Variants in PTPRD observed in about 807,000 individuals in gnomAD.
PTPRD encodes the protein receptor-type tyrosine-protein phosphatase delta.
Under a neutral mutation model 214.5 loss-of-function variants are expected in PTPRD, and 34 were observed. The ratio of observed to expected loss-of-function variants is 0.16; its 90% CI spans 0.12 to 0.21. The LOEUF (loss-of-function observed/expected upper bound fraction) is 0.21, where lower values mean the gene tolerates loss of function less well. PTPRD is among the 10% of genes least tolerant of loss of function. PTPRD has a pLI of 1.00. For synonymous variants in PTPRD, 1,128 were observed against 845.7 expected, an observed-to-expected ratio of 1.33 and a Z score of -5.79; for missense variants, 2,545 against 2,398.7, an observed-to-expected ratio of 1.06 and a Z score of -1.27.
chr9:9,792,196 G>C (rs1027991022), intron 5 of PTPRD, among the ~76,000 whole-genome samples: 1 of 151,788 alleles, frequency 6.6e-6, no homozygotes, highest in African/African-American at 2.4e-5. Flanking sequence ...CCTTCCCTCA[G>C]TGAGTGTGAA....
intron 3 of PTPRD, among the ~76,000 whole-genome samples, chr9:10,335,985 C>G (rs2096837396): frequency 6.6e-6 from 1 of 151,726 alleles, no homozygotes; most frequent in Non-Finnish European, 1.5e-5. Context: ...TCATTCATTG[C>G]TGGTGGGAGT....
intron 11 of PTPRD, among the ~76,000 whole-genome samples, chr9:8,768,965 T>G (rs1057057835): frequency 1.3e-5 from 2 of 152,152 alleles, no homozygotes; most frequent in African/African-American, 4.8e-5. Flanking sequence ...AAAAACAGAT[T>G]TCCCGTGTTT....
At position 10,040,210 on chromosome 9, in the gene PTPRD, G is replaced by A. The variant is rs187676387; in HGVS notation, c.-544-6420C>T. On this transcript the variant is annotated intron_variant, in intron 3 of 45. Coordinates refer to ENST00000381196, the MANE Select transcript of PTPRD (RefSeq NM_002839.4). ...TAAACGGATTCATAAAAATGAATGT[G>A]CTGTTGACCAGAGAACCCAAAAGTC... Among the ~76,000 whole-genome samples, 20 of 152,130 alleles carry A rather than the reference G, an allele frequency of 1.3e-4. No homozygotes were observed. The East Asian group carries it at 3.7e-3, about 28-fold the overall frequency.
intron 2 of PTPRD, among the ~76,000 whole-genome samples, chr9:10,492,731 G>C (rs2040741611): frequency 2.0e-5 from 3 of 152,030 alleles, no homozygotes; most frequent in South Asian, 2.1e-4. Flanking sequence ...GATCCCATTT[G>C]TCAATTTTGG....
chr9:8,751,767 T>G (rs980607265), intron 11 of PTPRD, among the ~76,000 whole-genome samples: 4 of 152,232 alleles, frequency 2.6e-5, no homozygotes, highest in Admixed American at 2.0e-4. Flanking sequence ...GTGTTTCTTA[T>G]TAGTTACCTA....
chr9:10,338,810 C>A (rs1158332016), intron 3 of PTPRD, among the ~76,000 whole-genome samples: 5 of 151,438 alleles, frequency 3.3e-5, no homozygotes, highest in Non-Finnish European at 7.4e-5. Context: ...ATATTTTTCT[C>A]TAAGAAAGTG....
chr9:10,451,239 TGCTGGG>T (rs1472694908), intron 2 of PTPRD, among the ~76,000 whole-genome samples: 1 of 151,936 alleles, frequency 6.6e-6, no homozygotes, highest in Non-Finnish European at 1.5e-5. Flanking sequence ...GTTTCAGGTG[TGCTGGG>T]GCCAAGCAGA....
chr9:9,904,937 C>A lies in PTPRD; in HGVS notation c.-368+33570G>T, dbSNP rs566551263. On this transcript the variant is annotated intron_variant, in intron 5 of 45. Transcript: ENST00000381196. ...CTTTAATCTGTCCCATATTGTTATT[C>A]AGTTCATTAAAGAACAACATGCATA... Among the ~76,000 whole-genome samples the A allele has an allele frequency of 9.9e-5, 15 of 152,094 alleles. No individual in the cohort carries two copies. The East Asian group carries it at 2.9e-3, about 29-fold the overall frequency.
intron 12 of PTPRD, among the ~76,000 whole-genome samples, chr9:8,698,065 G>C (rs1463443320): frequency 6.6e-6 from 1 of 152,072 alleles, no homozygotes; most frequent in East Asian, 1.9e-4. Context: ...GTATAAATTT[G>C]TGAAACTTTA....
intron 2 of PTPRD, among the ~76,000 whole-genome samples, chr9:10,553,767 T>A (rs960513480): frequency 9.2e-5 from 14 of 152,210 alleles, no homozygotes; most frequent in Non-Finnish European, 1.5e-5. Flanking sequence ...AGTTTTCTTA[T>A]TAATAATGTT....
chr9:8,977,848 G>T (rs1356782634), intron 11 of PTPRD, among the ~76,000 whole-genome samples: 2 of 151,824 alleles, frequency 1.3e-5, no homozygotes, highest in African/African-American at 4.8e-5. Context: ...GACTGAGGGA[G>T]GTAGAAAATG....
rs368125816 is a variant in PTPRD, at chr9:10,545,139, G to A, written c.-600+67259C>T. ...CTGGGCAGAGCAAACTCCCACAAGG[G>A]TGTGGTTTCTATGGAGCCCCTCTTT... On this transcript the variant is annotated intron_variant, in intron 2 of 45. Coordinates refer to ENST00000381196, the MANE Select transcript of PTPRD (RefSeq NM_002839.4). Among the ~76,000 whole-genome samples, 17 of 152,260 alleles carry A rather than the reference G, an allele frequency of 1.1e-4. No homozygotes were observed. The East Asian group carries it at 2.7e-3, about 24-fold the overall frequency.
intron 8 of PTPRD, among the ~76,000 whole-genome samples, chr9:9,424,352 A>G (rs1216994425): frequency 6.6e-6 from 1 of 152,212 alleles, no homozygotes; most frequent in Non-Finnish European, 1.5e-5. Context: ...AGAAGCAAAC[A>G]CTAAAATGGG....
chr9:8,547,642 A>T (rs1408358851), intron 14 of PTPRD, among the ~76,000 whole-genome samples: 17 of 122,716 alleles, frequency 1.4e-4, no homozygotes, highest in South Asian at 2.7e-4. Context: ...AATCCTATTT[A>T]AAAAAAAAAA....
chr9:9,373,480 G>T (rs971531841), intron 9 of PTPRD, among the ~76,000 whole-genome samples: 1 of 152,046 alleles, frequency 6.6e-6, no homozygotes, highest in Non-Finnish European at 1.5e-5. Flanking sequence ...ATTCTGAAAT[G>T]AGTCTTATGG....
intron 30 of PTPRD, among the ~76,000 whole-genome samples, chr9:8,475,585 G>A (rs1241818522): frequency 6.6e-6 from 1 of 152,018 alleles, no homozygotes; most frequent in African/African-American, 2.4e-5. Context: ...CTGACTTTAA[G>A]TTACAAAAGT....
chr9:8,542,671 T>C (rs2078780772), intron 14 of PTPRD, among the ~76,000 whole-genome samples: 1 of 152,232 alleles, frequency 6.6e-6, no homozygotes, highest in African/African-American at 2.4e-5. Flanking sequence ...ACAAAGCAAG[T>C]GTCTGTCAGT....
At chr9:8,794,936 T>C (rs1260004198) in intron 11 of PTPRD, among the ~76,000 whole-genome samples, 3 of 152,038 alleles carry the variant, frequency 2.0e-5, no homozygotes, top group Admixed American at 6.6e-5. Flanking sequence ...GGAACATAAG[T>C]CAATTTTTTT....
chr9:10,187,854 T>C (rs2099345154), intron 3 of PTPRD, among the ~76,000 whole-genome samples: 1 of 152,242 alleles, frequency 6.6e-6, no homozygotes, highest in Non-Finnish European at 1.5e-5. Flanking sequence ...CTCCTATTCA[T>C]ACTTTACAAT....
Sources: allele counts gnomAD v4.1 joint callset (sites outside exome capture counted in the v4.1 genomes callset), GRCh38; gene constraint gnomAD v4.1.1; transcripts MANE v1.5; gene names NCBI Gene and HGNC (gene_info 2026-07-23, HGNC 2026-07-21).